LIG3: variants seen among roughly 807,000 people sequenced by gnomAD.
The protein encoded by LIG3 is ligase II, DNA, ATP-dependent.
Under a neutral mutation model 110.9 loss-of-function variants are expected in LIG3, and 58 were observed. That is an observed-to-expected ratio of 0.52 (90% confidence interval 0.42 to 0.65). The LOEUF is 0.65. LIG3 is among the 30% of genes least tolerant of loss of function. The pLI is 0.00. For synonymous variants in LIG3, 422 were observed against 472.8 expected (o/e 0.89, Z 1.39); for missense variants, 1,094 against 1,273.8 (o/e 0.86, Z 2.15).
intron 8 of LIG3, 145 bp downstream of exon 8, chr17:34,992,837 A>C: frequency 1.3e-6 from 1 of 795,884 alleles, no homozygotes; most frequent in Non-Finnish European, 1.8e-6. Context: ...GCAAGGGGGT[A>C]TTTCTCTGTA....
chr17:35,004,471 T>C lies in LIG3; in HGVS notation c.2995T>C (p.Cys999Arg). The C allele has an allele frequency of 6.2e-7, 1 of 1,614,124 alleles. No individual in the cohort carries two copies. Among genetic ancestry groups the C allele is most frequent in the Non-Finnish European group, 8.5e-7 (1 of 1,179,982 alleles). The change falls in exon 20 of 20, where the codon TGT (cysteine) becomes CGT (arginine). Residue 999 changes from cysteine (C) to arginine (R), a missense_variant. By Grantham distance (180) the Cys-to-Arg change is radical. Transcript: ENST00000378526. ...QQVSPEWIWA[C>R]IRKRRLVAPC ...GGTCTCCCCAGAGTGGATTTGGGCA[T>C]GTATCCGGAAACGGAGACTGGTAGC...
Position 35,001,982 on chromosome 17 carries a change from G to T in LIG3, c.2552G>T (p.Gly851Val), listed in dbSNP as rs746484841. The T allele has an allele frequency of 5.0e-6, 8 of 1,612,984 alleles. No homozygotes were observed. In the East Asian group the frequency reaches 1.6e-4, roughly 31 times the overall value. The stretch of plus-strand genomic sequence containing the variant: ...GGAGATGAGGGGAGCTCCACTACAG[G>T]GGGTAGCAGTGAAGAGAATAAGGGT... The part of the protein sequence containing the change: ...VAGDEGSSTT[G>V]GSSEENKGPS... Residue 851 changes from glycine to valine, a missense_variant, in exon 18 of 20, where the codon GGG becomes GTG. Gly to Val is a moderately radical substitution (Grantham distance 109). Coordinates refer to ENST00000378526, the MANE Select transcript of LIG3 (RefSeq NM_013975.4).
Position 35,004,298 on chromosome 17 carries a change from T to TG in LIG3, c.2823dup (p.Arg942AlafsTer30), listed in dbSNP as rs2090876598. On this transcript the variant is annotated frameshift_variant, in exon 20 of 20. Coordinates refer to ENST00000378526, the MANE Select transcript of LIG3 (RefSeq NM_013975.4). LOFTEE classifies it high-confidence loss of function. ...GTATTGCTGGACATCTTCACTGGGG[T>TG]GCGGCTTTACTTGCCACCCTCCACA... 6.2e-7 allele frequency: 1 copy of TG among 1,613,906 alleles called. No homozygotes were observed. Among genetic ancestry groups the TG allele is most frequent in the Non-Finnish European group, 8.5e-7 (1 of 1,180,002 alleles).
intron 7 of LIG3, 57 bp from the exon 8 acceptor site, chr17:34,992,467 C>T: frequency 6.6e-7 from 1 of 1,503,796 alleles, no homozygotes; most frequent in Non-Finnish European, 8.9e-7. Flanking sequence ...CTGTCCAAAG[C>T]CATGGAGTCA....
In LIG3 at chr17:34,996,092, A is replaced by G. The variant is rs1298146201; in HGVS notation, c.1640A>G (p.Gln547Arg). ...KVAHFKDYIPQAFPGGHSMIL... is the reference protein window; with the variant it reads ...KVAHFKDYIPRAFPGGHSMIL... Reference sequence around the variant, plus strand: ...GCCCACTTTAAGGACTACATTCCCCAGGCTTTTCCTGGGGGCCACAGCATG... The same window carrying G: ...GCCCACTTTAAGGACTACATTCCCCGGGCTTTTCCTGGGGGCCACAGCATG... Residue 547 changes from glutamine (Q) to arginine (R), a missense_variant, in exon 10 of 20, where the codon CAG becomes CGG. Physicochemically the swap from Gln to Arg is conservative, Grantham distance 43. Coordinates refer to ENST00000378526, the MANE Select transcript of LIG3 (RefSeq NM_013975.4). 2.5e-6 allele frequency: 4 copies of G among 1,614,062 alleles called. No homozygotes were observed. The highest frequency in any genetic ancestry group is 2.5e-6 in the Non-Finnish European group (3 of 1,179,992).
In LIG3 at chr17:34,992,570, C is replaced by T. The variant is rs1567689420; in HGVS notation, c.1333C>T (p.Arg445Cys). Residue 445 changes from arginine to cysteine, a missense_variant, in exon 8 of 20, where the codon CGC becomes TGC. Physicochemically the swap from Arg to Cys is radical, Grantham distance 180 (BLOSUM62 -3). Coordinates refer to ENST00000378526, the MANE Select transcript of LIG3 (RefSeq NM_013975.4). ...TGCCTATGAAGCCTTCAAAGCCTCG[C>T]GCAACCTGCAGGATGTGGTGGAGCG... ...PNAYEAFKAS[R>C]NLQDVVERVL... 15 of 1,612,922 alleles carry T rather than the reference C, an allele frequency of 9.3e-6. No homozygotes were observed. In the East Asian group the frequency reaches 1.6e-4, roughly 17 times the overall value.
chr17:34,990,573 C>T lies in LIG3; in HGVS notation c.890-390C>T, dbSNP rs529544514. Among the ~76,000 whole-genome samples the T allele has an allele frequency of 2.1e-4, 32 of 151,992 alleles. No individual in the cohort carries two copies. In the East Asian group the frequency reaches 5.4e-3, roughly 26 times the overall value. On this transcript the variant is annotated intron_variant, in intron 4 of 19. Coordinates refer to ENST00000378526, the MANE Select transcript of LIG3 (RefSeq NM_013975.4). The stretch of plus-strand genomic sequence containing the variant: ...GGGATCACAGGCGTGAGCCACCATG[C>T]GCGGTCTGAGTTTATTTTTTTATTT...
intron 16 of LIG3, 59 bp from the exon 17 acceptor site, chr17:35,001,198 G>A (rs1206341200): frequency 1.1e-5 from 18 of 1,574,684 alleles, no homozygotes; most frequent in African/African-American, 4.0e-5. Flanking sequence ...GAGCCACCAC[G>A]CCCGGCCACT....
chr17:34,992,079 C>A, intron 7 of LIG3, 44 bp downstream of exon 7: 1 of 1,563,394 alleles, frequency 6.4e-7, no homozygotes. Flanking sequence ...CATTTGTTAG[C>A]TTTGTTTGTT....
intron 19 of LIG3, chr17:35,004,044 G>A (rs1195786955): frequency 1.8e-6 from 1 of 542,392 alleles, no homozygotes; most frequent in Non-Finnish European, 3.3e-6. Flanking sequence ...CCCAGATGTC[G>A]AGGCCTGTCC....
rs1343819116 is a variant in LIG3 at position 34,991,786 on chromosome 17, A to G, written c.1157A>G (p.Lys386Arg). Residue 386 changes from lysine (K) to arginine (R), a missense_variant, in exon 6 of 20, where the codon AAG (lysine) becomes AGG (arginine). Lys to Arg is a conservative substitution (Grantham distance 26). Transcript: ENST00000378526. ...GATGAGTTCCTTCTGCGGCTGTCCA[A>G]GCTCACCAAGGAGGATGAGCAGCAA... The part of the protein sequence containing the change: ...EVDEFLLRLS[K>R]LTKEDEQQQA... 4 of 1,614,002 alleles carry G rather than the reference A, an allele frequency of 2.5e-6. No homozygotes were observed. In the African/African-American group the frequency reaches 4.0e-5, roughly 16 times the overall value.
chr17:34,996,954 A>G (rs2049569971), intron 11 of LIG3: 1 of 352,886 alleles, frequency 2.8e-6, no homozygotes, highest in South Asian at 4.5e-5. Flanking sequence ...TACTAAAGCA[A>G]AATGGACTAT....
chr17:34,995,925 G>A, intron 9 of LIG3, 139 bp from the exon 10 acceptor site: 2 of 1,061,498 alleles, frequency 1.9e-6, no homozygotes, highest in Admixed American at 4.9e-5. Context: ...GCAAGGCCTA[G>A]CTATATGTTT....
chr17:35,001,980 A>G lies in LIG3; in HGVS notation c.2550A>G (p.Thr850=). 1 of 1,612,986 alleles carries G rather than the reference A, an allele frequency of 6.2e-7. No homozygotes were observed. Among genetic ancestry groups the G allele is most frequent in the South Asian group, 1.1e-5 (1 of 90,872 alleles). Residue 850 remains threonine (T), a synonymous_variant, in exon 18 of 20, where the codon ACA becomes ACG. Coordinates refer to ENST00000378526, the MANE Select transcript of LIG3 (RefSeq NM_013975.4). The part of the protein sequence containing the change: ...VVAGDEGSST[T]GGSSEENKGP... Reference sequence around the variant, plus strand: ...CTGGAGATGAGGGGAGCTCCACTACAGGGGGTAGCAGTGAAGAGAATAAGG... The same window carrying G: ...CTGGAGATGAGGGGAGCTCCACTACGGGGGGTAGCAGTGAAGAGAATAAGG...
chr17:34,981,675 C>T (rs1187852551), intron 1 of LIG3: 1 of 152,220 alleles, frequency 6.6e-6, no homozygotes, highest in Non-Finnish European at 1.5e-5. Flanking sequence ...ATCCCTTATT[C>T]CAGGTCCACC....
At chr17:34,987,253 C>G (rs559963681) in intron 3 of LIG3, among the ~76,000 whole-genome samples, 2 of 152,298 alleles carry the variant, frequency 1.3e-5, no homozygotes, top group African/African-American at 4.8e-5. Flanking sequence ...ATTGGCCTTA[C>G]GTAAACAGAC....
chr17:34,996,014 G>A, intron 9 of LIG3, 50 bp from the exon 10 acceptor site: 1 of 1,588,304 alleles, frequency 6.3e-7, no homozygotes, highest in East Asian at 2.2e-5. Flanking sequence ...CATGGTTTGA[G>A]GTCCCTGCTG....
At chr17:34,987,112 A>G (rs2090664340) in intron 3 of LIG3, among the ~76,000 whole-genome samples, 1 of 152,250 alleles carries the variant, frequency 6.6e-6, no homozygotes, top group South Asian at 2.1e-4. Context: ...ACACACATGC[A>G]CACACGTGTA....
At position 34,986,131 on chromosome 17, in the gene LIG3, G is replaced by A; in HGVS notation, c.691G>A (p.Ala231Thr). The A allele has an allele frequency of 6.2e-7, 1 of 1,613,892 alleles. No homozygotes were observed. The highest frequency in any genetic ancestry group is 2.2e-5 in the East Asian group (1 of 44,876). ...TCCCCGGAAATTTTCTGGCTTTTCA[G>A]GTAAGATAGGTTAGGGCTACTTTAG... ...TNPRKFSGFS[A>T]KPNNSGEAPS... Residue 231 changes from alanine (A) to threonine (T), a missense_variant and splice_region_variant, in exon 3 of 20, where the codon GCC becomes ACC. Transcript: ENST00000378526.
Sources: allele counts gnomAD v4.1 joint callset (sites outside exome capture counted in the v4.1 genomes callset), GRCh38; gene constraint gnomAD v4.1.1; transcripts MANE v1.5; gene names NCBI Gene and HGNC (gene_info 2026-07-23, HGNC 2026-07-21).